CNTN1: variants seen among roughly 807,000 people sequenced by gnomAD.
CNTN1 encodes the protein contactin-1.
CNTN1 carries 38 observed loss-of-function variants against 126.4 expected under a neutral mutation model. The ratio of observed to expected loss-of-function variants is 0.30; its 90% confidence interval spans 0.23 to 0.39. CNTN1 has a LOEUF of 0.39. Ranked by LOEUF, CNTN1 falls within the 10% of genes least tolerant of loss-of-function variation. The pLI is 1.00. For missense variants in CNTN1, 1,009 were observed against 1,248.4 expected (o/e 0.81, Z 2.89); for synonymous variants, 413 against 422.6 (o/e 0.98, Z 0.28).
At chr12:40,872,728 G>A (rs141487641) in intron 1 of CNTN1, among the ~76,000 whole-genome samples, 1,621 of 151,616 alleles carry the variant, frequency 0.011, 16 homozygotes, top group Non-Finnish European at 0.016. Flanking sequence ...ACACCACCAC[G>A]CCCAGATAAT....
chr12:40,947,778 TATATACAC>T (rs1459385866), intron 14 of CNTN1, among the ~76,000 whole-genome samples: 4 of 65,360 alleles, frequency 6.1e-5, no homozygotes, highest in Non-Finnish European at 1.2e-4. Context: ...TATATATATA[TATATACAC>T]ACACACACAC....
At chr12:41,055,630 A>G (rs968905617) in intron 23 of CNTN1, among the ~76,000 whole-genome samples, 3 of 152,212 alleles carry the variant, frequency 2.0e-5, no homozygotes, top group Non-Finnish European at 1.5e-5. Context: ...ATTAAATTGA[A>G]ATTCATGAAT....
chr12:41,051,290 G>A lies in CNTN1; in HGVS notation c.2981-18669G>A, dbSNP rs1949674092. On this transcript the variant is annotated intron_variant, in intron 23 of 23. Coordinates refer to ENST00000551295, the MANE Select transcript of CNTN1 (RefSeq NM_001843.4). Reference sequence around the variant, plus strand: ...AGCCTCCCAAGTAGCTGGGACTACAGGTGCCCGCCACCATGCCCAGATAAT... The same window carrying A: ...AGCCTCCCAAGTAGCTGGGACTACAAGTGCCCGCCACCATGCCCAGATAAT... 1.3e-5 allele frequency among the ~76,000 whole-genome samples: 2 copies of A among 151,364 alleles called. 1 individual carries two copies. The highest frequency in any genetic ancestry group is 4.2e-4 in the South Asian group (2 of 4,788).
intron 1 of CNTN1, among the ~76,000 whole-genome samples, chr12:40,840,199 T>C (rs927869894): frequency 2.6e-5 from 4 of 151,928 alleles, no homozygotes; most frequent in African/African-American, 7.2e-5. Context: ...ATAGCTACAT[T>C]TATATCAGGT....
chr12:40,895,479 C>A (rs1302507755), intron 1 of CNTN1, among the ~76,000 whole-genome samples: 2 of 152,076 alleles, frequency 1.3e-5, no homozygotes, highest in Non-Finnish European at 2.9e-5. Context: ...AGTCCTGTGG[C>A]AGCAGCAACA....
At chr12:41,060,002 C>G (rs1219002069) in intron 23 of CNTN1, among the ~76,000 whole-genome samples, 1 of 151,642 alleles carries the variant, frequency 6.6e-6, no homozygotes, top group East Asian at 1.9e-4. Context: ...CTCACTCAGG[C>G]AACTGAGTGA....
At chr12:41,045,407 T>A (rs552121093) in intron 23 of CNTN1, among the ~76,000 whole-genome samples, 2 of 152,148 alleles carry the variant, frequency 1.3e-5, no homozygotes, top group Admixed American at 6.6e-5. Context: ...AAATTTTCTC[T>A]CCTGAGGTTT....
At chr12:40,755,727 G>T (rs1393436650) in intron 1 of CNTN1, among the ~76,000 whole-genome samples, 1 of 151,878 alleles carries the variant, frequency 6.6e-6, no homozygotes, top group Admixed American at 6.6e-5. Flanking sequence ...ATTAAAAAGG[G>T]GAGACTTCCT....
intron 1 of CNTN1, among the ~76,000 whole-genome samples, chr12:40,814,677 A>T (rs1941199312): frequency 6.6e-6 from 1 of 152,006 alleles, no homozygotes; most frequent in Admixed American, 6.6e-5. Flanking sequence ...TTGGCAATGC[A>T]GGCTCTTTTT....
At chr12:40,828,259 A>G (rs1941683732) in intron 1 of CNTN1, 1 of 152,182 alleles carries the variant, frequency 6.6e-6, no homozygotes, top group South Asian at 2.1e-4. Context: ...GACAATTTGC[A>G]ATAGATATTA....
At chr12:40,710,840 G>C (rs1373461076) in intron 1 of CNTN1, among the ~76,000 whole-genome samples, 1 of 152,080 alleles carries the variant, frequency 6.6e-6, no homozygotes, top group Non-Finnish European at 1.5e-5. Flanking sequence ...AAATATACAG[G>C]TAGAGACAAT....
chr12:40,916,995 C>T (rs1364816607), intron 3 of CNTN1, among the ~76,000 whole-genome samples: 4 of 125,188 alleles, frequency 3.2e-5, no homozygotes, highest in Non-Finnish European at 6.2e-5. Context: ...TGAGGCAGCT[C>T]CCTTTGAAAC....
chr12:41,013,215 G>C (rs1948705295), intron 17 of CNTN1, among the ~76,000 whole-genome samples: 1 of 152,088 alleles, frequency 6.6e-6, no homozygotes, highest in Admixed American at 6.5e-5. Flanking sequence ...CTTTCCAGTT[G>C]ATCAGTGACA....
At chr12:40,797,116 CT>C (rs1187053596) in intron 1 of CNTN1, among the ~76,000 whole-genome samples, 2 of 151,952 alleles carry the variant, frequency 1.3e-5, no homozygotes, top group Non-Finnish European at 2.9e-5. Flanking sequence ...TTGGCACCCC[CT>C]ATGTGCCCAA....
intron 12 of CNTN1, among the ~76,000 whole-genome samples, chr12:40,941,757 T>A (rs1946271420): frequency 6.6e-6 from 1 of 152,004 alleles, no homozygotes; most frequent in Non-Finnish European, 1.5e-5. Flanking sequence ...TTGGTACCAA[T>A]AAGTGACCAA....
intron 14 of CNTN1, among the ~76,000 whole-genome samples, chr12:40,957,817 A>G (rs1332044699): frequency 6.6e-6 from 1 of 151,932 alleles, no homozygotes; most frequent in East Asian, 1.9e-4. Context: ...TGGAGATATT[A>G]ATATTCTGTT....
In CNTN1 at chr12:40,957,685, G is replaced by A. The variant is rs151051010; in HGVS notation, c.1684-1429G>A. On this transcript the variant is annotated intron_variant, in intron 14 of 23. Coordinates refer to ENST00000551295, the MANE Select transcript of CNTN1 (RefSeq NM_001843.4). ...TATTGCAGGAATTTGTAGAAATCTTGGGAACTGTTTCAATTTTTGACCAAT... is the reference window on the plus strand; with the variant it reads ...TATTGCAGGAATTTGTAGAAATCTTAGGAACTGTTTCAATTTTTGACCAAT... 7.2e-5 allele frequency among the ~76,000 whole-genome samples: 11 copies of A among 151,894 alleles called. No individual in the cohort carries two copies. The East Asian group carries it at 1.9e-3, about 27-fold the overall frequency.
chr12:40,777,456 C>T (rs1377873768), intron 1 of CNTN1, among the ~76,000 whole-genome samples: 1 of 151,644 alleles, frequency 6.6e-6, no homozygotes, highest in East Asian at 1.9e-4. Context: ...ACCCTCCTGG[C>T]ACAGAGTTTA....
chr12:40,860,922 A>G (rs1458530544), intron 1 of CNTN1, among the ~76,000 whole-genome samples: 1 of 152,114 alleles, frequency 6.6e-6, no homozygotes, highest in African/African-American at 2.4e-5. Context: ...CTAGGGGCCC[A>G]CAAAGAGTCA....
Sources: allele counts gnomAD v4.1 joint callset (sites outside exome capture counted in the v4.1 genomes callset), GRCh38; gene constraint gnomAD v4.1.1; transcripts MANE v1.5; gene names NCBI Gene and HGNC (gene_info 2026-07-23, HGNC 2026-07-21).